Variants in AP2A1 observed in about 807,000 individuals in gnomAD.
AP2A1 encodes adaptor related protein complex 2 subunit alpha 1.
Under a neutral mutation model 107.3 loss-of-function variants are expected in AP2A1, and 21 were observed. That is an observed-to-expected ratio of 0.20 (90% confidence interval 0.14 to 0.28). The LOEUF (loss-of-function observed/expected upper bound fraction) is 0.28, where lower values mean the gene tolerates loss of function less well. Ranked by LOEUF, AP2A1 falls within the 10% of genes least tolerant of loss-of-function variation. The pLI is 1.00. For missense variants in AP2A1, 873 were observed against 1,307.7 expected, an observed-to-expected ratio of 0.67 and a Z score of 5.13; for synonymous variants, 602 against 564.8, an observed-to-expected ratio of 1.07 and a Z score of -0.93.
At chr19:49,799,894 G>A in intron 10 of AP2A1, 74 bp from the exon 11 acceptor site, 5 of 1,579,390 alleles carry the variant, frequency 3.2e-6, no homozygotes, top group Non-Finnish European at 3.5e-6. Context: ...GGGGGCAGTG[G>A]TGAGCCCAGA....
intron 6 of AP2A1, among the ~76,000 whole-genome samples, chr19:49,794,662 T>C (rs1411895512): frequency 6.6e-6 from 1 of 152,012 alleles, no homozygotes. Context: ...AAAAGTCACA[T>C]GATCTTTCTT....
In AP2A1 at chr19:49,782,105, G is replaced by C. The variant is rs547780037; in HGVS notation, c.279+16G>C. On this transcript the variant is annotated intron_variant, in intron 3 of 22. Coordinates refer to ENST00000354293, the MANE Select transcript of AP2A1 (RefSeq NM_130787.3). ...GAAGCAAATAGTGAGTCTGGAGAGG[G>C]GGGTGCCAGGGCCTGGACTCCTGGG... 11 of 1,549,034 alleles carry C rather than the reference G, an allele frequency of 7.1e-6. No individual in the cohort carries two copies. The highest frequency in any genetic ancestry group is 2.4e-5 in the East Asian group (1 of 40,922).
intron 1 of AP2A1, among the ~76,000 whole-genome samples, chr19:49,773,031 A>G (rs2084581075): frequency 6.6e-6 from 1 of 151,926 alleles, no homozygotes; most frequent in Admixed American, 6.6e-5. Context: ...AGAGAGCAGC[A>G]GAGGGAAGAG....
Position 49,807,019 on chromosome 19 carries a change from CT to C in AP2A1, c.*262del. On this transcript the variant is annotated 3_prime_UTR_variant, in exon 23 of 23. Transcript: ENST00000354293. Reference sequence around the variant, plus strand: ...GAGGGGCCAGGGAAGTGGATGTCTCCTCCCCTCCCACCCCACCCTGTTGTAG... The same window carrying C: ...GAGGGGCCAGGGAAGTGGATGTCTCCCCCCTCCCACCCCACCCTGTTGTAG... The C allele has an allele frequency of 1.3e-6, 2 of 1,500,410 alleles. No homozygotes were observed. Among genetic ancestry groups the C allele is most frequent in the Non-Finnish European group, 1.8e-6 (2 of 1,119,720 alleles). The allele number at this position is 1,500,410 out of a possible 1,614,324, so 92.9% of individuals were successfully genotyped here.
At chr19:49,791,872 G>A (rs2073146760) in intron 4 of AP2A1, 63 bp from the exon 5 acceptor site, 1 of 1,529,294 alleles carries the variant, frequency 6.5e-7, no homozygotes. Context: ...AGGAGAGGAG[G>A]GGAGGTGTGC....
intron 6 of AP2A1, among the ~76,000 whole-genome samples, chr19:49,793,967 C>T (rs930413237): frequency 4.0e-5 from 5 of 123,756 alleles, no homozygotes; most frequent in African/African-American, 1.6e-4. Context: ...AGTGCAGTGG[C>T]GCGATCTCGG....
rs1403275106 is a variant in AP2A1 at position 49,799,308 on chromosome 19, T to A, written c.966-19T>A. On this transcript the variant is annotated intron_variant, in intron 8 of 22. Coordinates refer to ENST00000354293, the MANE Select transcript of AP2A1 (RefSeq NM_130787.3). ...GTCAGTTTCTCTCACCATCCCTCTCTTGTGGCCCCTGCTGGCAGTGAGCCC... is the reference window on the plus strand; with the variant it reads ...GTCAGTTTCTCTCACCATCCCTCTCATGTGGCCCCTGCTGGCAGTGAGCCC... 1 of 1,606,394 alleles carries A rather than the reference T, an allele frequency of 6.2e-7. No individual in the cohort carries two copies. Among genetic ancestry groups the A allele is most frequent in the Admixed American group, 1.7e-5 (1 of 59,758 alleles).
At position 49,795,634 on chromosome 19, in the gene AP2A1, T is replaced by C. The variant is rs746357444; in HGVS notation, c.710T>C (p.Val237Ala). 8 of 1,334,872 alleles carry C rather than the reference T, an allele frequency of 6.0e-6. No homozygotes were observed. Among genetic ancestry groups the C allele is most frequent in the Non-Finnish European group, 8.0e-6 (8 of 1,005,334 alleles). 82.7% of individuals were successfully genotyped at this position (1,334,872 alleles called of 1,614,324 possible). Residue 237 changes from valine to alanine, a missense_variant, in exon 7 of 23, where the codon GTC becomes GCC. Physicochemically the swap from Val to Ala is moderately conservative, Grantham distance 64 (BLOSUM62 0). Transcript: ENST00000354293. ...SLAVSRLSRI[V>A]SSASTDLQDY... ...TTTCTTGCTCTTCCCCGCCAGATCG[T>C]CTCCTCTGCCTCCACCGACCTCCAG...
chr19:49,792,955 C>A, intron 5 of AP2A1, 36 bp from the exon 6 acceptor site: 2 of 1,543,810 alleles, frequency 1.3e-6, no homozygotes, highest in South Asian at 2.4e-5. Flanking sequence ...ACCACCTCCC[C>A]CAGGGGCCTG....
At chr19:49,779,487 C>CAAAAAAAAAAAAAAAAAA (rs370114853) in intron 1 of AP2A1, among the ~76,000 whole-genome samples, 1 of 83,976 alleles carries the variant, frequency 1.2e-5, no homozygotes, top group Non-Finnish European at 2.2e-5. Flanking sequence ...GCCTGGGCTA[C>CAAAAAAAAAAAAAAAAAA]AAAAAAAAAA....
chr19:49,801,712 A>G lies in AP2A1; in HGVS notation c.1786-10A>G, dbSNP rs1299066142. On this transcript the variant is annotated splice_polypyrimidine_tract_variant and intron_variant, in intron 13 of 22. Coordinates refer to ENST00000354293, the MANE Select transcript of AP2A1 (RefSeq NM_130787.3). ...ACCCGAACTGACCTTCCCCACCCCG[A>G]CCGCGCCAGGCCACGGTGCTGGAGG... 1.6e-6 allele frequency: 2 copies of G among 1,284,012 alleles called. No individual in the cohort carries two copies. The highest frequency in any genetic ancestry group is 5.3e-5 in the East Asian group (1 of 18,740). 79.5% of individuals were successfully genotyped at this position (1,284,012 alleles called of 1,614,324 possible).
chr19:49,770,863 A>G (rs112402202), intron 1 of AP2A1, among the ~76,000 whole-genome samples: 13,303 of 151,758 alleles, frequency 0.088, 649 homozygotes, highest in South Asian at 0.13. Flanking sequence ...TTCTTTTTTT[A>G]TTTTTTGAGA....
In AP2A1 at chr19:49,772,121, G is replaced by A. The variant is rs149818653; in HGVS notation, c.67+4921G>A. 6.2e-3 allele frequency among the ~76,000 whole-genome samples: 949 copies of A among 151,946 alleles called. 11 individuals are homozygous for A. Among genetic ancestry groups the A allele is most frequent in the African/African-American group, 0.022 (900 of 41,446 alleles). Reference sequence around the variant, plus strand: ...CATCCCGGCTGGAGTACAGTGGTGCGATCTCAGCTCGCTGCAACCTCCTCC... The same window carrying A: ...CATCCCGGCTGGAGTACAGTGGTGCAATCTCAGCTCGCTGCAACCTCCTCC... On this transcript the variant is annotated intron_variant, in intron 1 of 22. Transcript: ENST00000354293.
At position 49,803,203 on chromosome 19, in the gene AP2A1, G is replaced by C. The variant is rs775580373; in HGVS notation, c.2254+14G>C. ...GACAGAACCTGGGTGTGTCCCGGGG[G>C]ACTGTGGGAATGGGTCGGAGGGAGA... On this transcript the variant is annotated intron_variant, in intron 17 of 22. Transcript: ENST00000354293. The C allele has an allele frequency of 2.5e-6, 4 of 1,613,798 alleles. No individual in the cohort carries two copies. The highest frequency in any genetic ancestry group is 3.3e-5 in the Admixed American group (2 of 60,002).
intron 18 of AP2A1, chr19:49,805,219 A>G (rs949640425): frequency 8.3e-6 from 4 of 480,700 alleles, no homozygotes; most frequent in African/African-American, 7.8e-5. Flanking sequence ...TAATACTATT[A>G]TGTCTCAGTG....
At chr19:49,769,025 G>A (rs1429560996) in intron 1 of AP2A1, among the ~76,000 whole-genome samples, 1 of 152,090 alleles carries the variant, frequency 6.6e-6, no homozygotes, top group African/African-American at 2.4e-5. Context: ...CGAGGTAGGC[G>A]GATCACCTGA....
intron 15 of AP2A1, 41 bp downstream of exon 15, chr19:49,802,182 C>T (rs1345314755): frequency 1.3e-6 from 2 of 1,492,708 alleles, no homozygotes; most frequent in East Asian, 2.4e-5. Context: ...GCGGCCACCC[C>T]CAGGGCTGTC....
At chr19:49,792,905 A>AT (rs1444497269) in intron 5 of AP2A1, 86 bp from the exon 6 acceptor site, 1 of 1,194,636 alleles carries the variant, frequency 8.4e-7, no homozygotes, top group East Asian at 2.5e-5. Context: ...CTGCACACAC[A>AT]TCCCGACCCT....
At chr19:49,795,503 C>G (rs1413412879) in intron 6 of AP2A1, 127 bp from the exon 7 acceptor site, 11 of 663,248 alleles carry the variant, frequency 1.7e-5, no homozygotes, top group Non-Finnish European at 2.7e-5. Context: ...CAAAAAAAAC[C>G]CACTAACAAA....
Sources: gnomAD v4.1 joint callset for allele counts (sites outside exome capture counted in the v4.1 genomes callset) on GRCh38, gnomAD v4.1.1 for gene constraint, MANE v1.5 for transcripts, NCBI Gene and HGNC (gene_info 2026-07-23, HGNC 2026-07-21) for gene names.